MAMSTR: variants seen among roughly 807,000 people sequenced by gnomAD.
MAMSTR encodes MEF2 activating motif and SAP domain containing transcriptional regulator, also known as MEF2-activating motif and SAP domain-containing transcriptional regulator.
Under a neutral mutation model 42.7 loss-of-function variants are expected in MAMSTR, and 41 were observed. The observed-to-expected ratio is 0.96, with a 90% CI of 0.75 to 1.25. The LOEUF is 1.25. Ranked by LOEUF, MAMSTR falls within the 50% of genes most tolerant of loss-of-function variation. The pLI is 0.00. For missense variants in MAMSTR, 567 were observed against 557.6 expected, an observed-to-expected ratio of 1.02 and a Z score of -0.17; for synonymous variants, 265 against 244.1, an observed-to-expected ratio of 1.09 and a Z score of -0.80.
At chr19:48,709,102 C>T (rs1278354001), downstream of MAMSTR, among the ~76,000 whole-genome samples, 1 of 152,072 alleles carries the variant, frequency 6.6e-6, no homozygotes, top group East Asian at 1.9e-4. Context: ...CCAGCCTGAG[C>T]AACATAGTGA....
chr19:48,711,337 C>G (rs541170101), downstream of MAMSTR, among the ~76,000 whole-genome samples: 6 of 152,260 alleles, frequency 3.9e-5, no homozygotes, highest in Non-Finnish European at 7.3e-5. Flanking sequence ...CACAACCCAG[C>G]TGGGCCCAGC....
downstream of MAMSTR, among the ~76,000 whole-genome samples, chr19:48,708,358 A>C (rs924186980): frequency 4.6e-5 from 7 of 152,080 alleles, no homozygotes; most frequent in Non-Finnish European, 7.3e-5. Flanking sequence ...GAGTACGTTT[A>C]TAATATAAAT....
At chr19:48,718,447 G>A (rs1383350740) in intron 2 of MAMSTR, among the ~76,000 whole-genome samples, 1 of 147,658 alleles carries the variant, frequency 6.8e-6, no homozygotes, top group Non-Finnish European at 1.5e-5. Context: ...GAGTGCAATG[G>A]CGTGATCTCG....
chr19:48,713,755 C>T lies in MAMSTR; in HGVS notation c.925G>A (p.Gly309Ser). ...IRRAQLLPNR[G>S]IDDILEDQVE... ...TGATCCTCCAGGATGTCATCGATGCCCCGGTTAGGAAGCAACTGCGGATGG... is the reference window on the plus strand; with the variant it reads ...TGATCCTCCAGGATGTCATCGATGCTCCGGTTAGGAAGCAACTGCGGATGG... The change falls in exon 9 of 10, where the codon GGC (glycine) becomes AGC (serine). Residue 309 changes from glycine (G) to serine (S), a missense_variant. By Grantham distance (56) the Gly-to-Ser change is moderately conservative. Coordinates refer to ENST00000318083, the MANE Select transcript of MAMSTR (RefSeq NM_001130915.2). 1.2e-6 allele frequency: 2 copies of T among 1,614,204 alleles called. No homozygotes were observed. Among genetic ancestry groups the T allele is most frequent in the East Asian group, 2.2e-5 (1 of 44,886 alleles).
downstream of MAMSTR, among the ~76,000 whole-genome samples, chr19:48,711,576 T>TTGTG (rs1384290444): frequency 6.6e-6 from 1 of 151,642 alleles, no homozygotes; most frequent in Non-Finnish European, 1.5e-5. Flanking sequence ...GTTTGTTTGT[T>TTGTG]TGTTTGTTTG....
chr19:48,714,227 G>A, intron 7 of MAMSTR, 139 bp downstream of exon 7: 2 of 997,300 alleles, frequency 2.0e-6, no homozygotes, highest in Non-Finnish European at 1.4e-6. Flanking sequence ...CTGTTAGTCT[G>A]AACCACGTCC....
At chr19:48,707,901 A>AAAGAAAGGAAAGAAAGAAAGGAAGG (rs1555755230), downstream of MAMSTR, among the ~76,000 whole-genome samples, 1 of 128,452 alleles carries the variant, frequency 7.8e-6, no homozygotes, top group African/African-American at 3.0e-5. Context: ...AGAAAGAAAG[A>AAAGAAAGGAAAGAAAGAAAGGAAGG]AAGGAAGAAA....
At position 48,714,194 on chromosome 19, in the gene MAMSTR, CCTCTT is replaced by C. The variant is rs111820143; in HGVS notation, c.724-154_724-150del. 23 of 1,055,356 alleles carry C rather than the reference CCTCTT, an allele frequency of 2.2e-5. No individual in the cohort carries two copies. The African/African-American group carries it at 2.4e-4, about 11-fold the overall frequency. The allele number at this position is 1,055,356 out of a possible 1,614,324, so 65.4% of individuals were successfully genotyped here. A position where few individuals can be genotyped will look rare whatever the true frequency, so the allele number is the denominator to read the frequency against. On this transcript the variant is annotated intron_variant, in intron 7 of 9. Transcript: ENST00000318083. ...CTCGCCCCCTATTCTTTCATTGGCT[CCTCTT>C]CTCTAAAGATCCGCCCCCTGTTAGT...
At chr19:48,718,577 C>T (rs1283289183) in intron 2 of MAMSTR, among the ~76,000 whole-genome samples, 3 of 152,064 alleles carry the variant, frequency 2.0e-5, no homozygotes, top group African/African-American at 7.2e-5. Context: ...TTTGCCTGCC[C>T]TGGGACCTAA....
At chr19:48,708,725 C>T (rs1240451165), downstream of MAMSTR, among the ~76,000 whole-genome samples, 3 of 151,974 alleles carry the variant, frequency 2.0e-5, no homozygotes, top group Non-Finnish European at 2.9e-5. Flanking sequence ...AGGCGAGATG[C>T]GGAAGGTGCA....
At chr19:48,718,877 C>T in intron 2 of MAMSTR, 97 bp downstream of exon 2, 1 of 1,247,744 alleles carries the variant, frequency 8.0e-7, no homozygotes, top group South Asian at 1.3e-5. Context: ...GCACAAAAAA[C>T]ACAGGCCTCA....
chr19:48,717,082 C>T lies in MAMSTR; in HGVS notation c.59-339G>A, dbSNP rs539417399. On this transcript the variant is annotated intron_variant, in intron 2 of 9. Transcript: ENST00000318083. Reference sequence around the variant, plus strand: ...GCAATCGCTATCTTGGCAGCCTGGCCCCTTTGCACCTCGCCTCCCTTTATC... The same window carrying T: ...GCAATCGCTATCTTGGCAGCCTGGCTCCTTTGCACCTCGCCTCCCTTTATC... 14 of 672,368 alleles carry T rather than the reference C, an allele frequency of 2.1e-5. No individual in the cohort carries two copies. In the African/African-American group the frequency reaches 2.1e-4, roughly 10 times the overall value. 41.7% of individuals were successfully genotyped at this position (672,368 alleles called of 1,614,324 possible). A position where few individuals can be genotyped will look rare whatever the true frequency, so the allele number is the denominator to read the frequency against.
At chr19:48,716,888 G>A (rs1002861841) in intron 2 of MAMSTR, 145 bp from the exon 3 acceptor site, 44 of 1,221,330 alleles carry the variant, frequency 3.6e-5, no homozygotes, top group Non-Finnish European at 4.5e-5. Context: ...GGGTGGGCGG[G>A]CAGCAGGCTC....
chr19:48,717,565 C>T (rs942199291), intron 2 of MAMSTR, among the ~76,000 whole-genome samples: 7 of 146,682 alleles, frequency 4.8e-5, no homozygotes, highest in Admixed American at 3.4e-4. Context: ...GACAAAGTCT[C>T]GCTCTGTCAC....
At chr19:48,706,295 A>G in the MAMSTR span, among the ~76,000 whole-genome samples, 7 of 151,560 alleles carry the variant, frequency 4.6e-5, no homozygotes, top group Non-Finnish European at 1.0e-4. Context: ...TCAAAAAAAA[A>G]AAAAAAATTC....
chr19:48,707,630 AC>A, the MAMSTR span, among the ~76,000 whole-genome samples: 1 of 151,106 alleles, frequency 6.6e-6, no homozygotes, highest in Non-Finnish European at 1.5e-5. Context: ...AATCCCAGCT[AC>A]TCGGGAGGCT....
chr19:48,714,513 C>A lies in MAMSTR; in HGVS notation c.576G>T (p.Ser192=). The change falls in exon 7 of 10, where the codon TCG becomes TCT. Residue 192 remains serine, a synonymous_variant. Transcript: ENST00000318083. ...QQLRLRGLPV[S]GTKSMLLERM... ...GCTCCAGGAGCATAGACTTGGTCCC[C>A]GACACTGGGAGGCCCCGCAGGCGCA... The A allele has an allele frequency of 1.3e-5, 19 of 1,451,444 alleles. No homozygotes were observed. The highest frequency in any genetic ancestry group is 1.7e-5 in the Non-Finnish European group (19 of 1,115,078). The allele number at this position is 1,451,444 out of a possible 1,614,324, so 89.9% of individuals were successfully genotyped here.
In MAMSTR at chr19:48,719,142, G is replaced by C; in HGVS notation, c.-21-90C>G. The C allele has an allele frequency of 1.1e-6, 1 of 890,234 alleles. No individual in the cohort carries two copies. The allele number at this position is 890,234 out of a possible 1,614,324, so 55.1% of individuals were successfully genotyped here. ...CCGCCCCTGAGAGTGAATTCAGCAG[G>C]GAAAGGGCCCGAAGGAGGTGGGAAT... On this transcript the variant is annotated intron_variant, in intron 1 of 9. Transcript: ENST00000318083. The surrounding 1 kb of genome is among the most constrained non-coding windows in gnomAD (Gnocchi z 4.4).
At chr19:48,711,754 T>TTATTATTTTTTTATTTTTTTATTTA (rs1555755548), downstream of MAMSTR, among the ~76,000 whole-genome samples, 2,009 of 145,574 alleles carry the variant, frequency 0.014, 57 homozygotes, top group African/African-American at 0.048. Context: ...TTTTTTTTTT[T>TTATTATTTTTTTATTTTTTTATTTA]TTTTTTTTTG....
Sources: gnomAD v4.1 joint callset for allele counts (sites outside exome capture counted in the v4.1 genomes callset) on GRCh38, gnomAD v4.1.1 for gene constraint, Gnocchi (gnomAD v3.1) non-coding constraint, MANE v1.5 for transcripts, NCBI Gene and HGNC (gene_info 2026-07-23, HGNC 2026-07-21) for gene names.